The following DRC11 variants were observed in gnomAD, a reference collection of about 807,000 sequenced individuals.
DRC11 encodes the protein IQ and AAA domain-containing protein 1.
At chr2:236,339,334 A>G in the DRC11 span, among the ~76,000 whole-genome samples, 36 of 152,308 alleles carry the variant, frequency 2.4e-4, no homozygotes, top group East Asian at 6.9e-3. Flanking sequence ...TCAATATTAC[A>G]TGGTTTGCAA....
At chr2:236,436,284 A>G in the DRC11 span, among the ~76,000 whole-genome samples, 1 of 152,066 alleles carries the variant, frequency 6.6e-6, no homozygotes. Flanking sequence ...ACATGTTGCA[A>G]ATGTTTTTCC....
the DRC11 span, among the ~76,000 whole-genome samples, chr2:236,435,648 C>T: frequency 6.6e-6 from 1 of 152,152 alleles, no homozygotes; most frequent in African/African-American, 2.4e-5. Context: ...CTTACAAAAC[C>T]ATCAGATCTT....
chr2:236,500,118 T>TGATGATGATGATGATGGC, the DRC11 span, among the ~76,000 whole-genome samples: 5 of 150,474 alleles, frequency 3.3e-5, no homozygotes, highest in African/African-American at 1.3e-4. The surrounding 1 kb of genome is among the most constrained non-coding windows in gnomAD (Gnocchi z 6.3). Flanking sequence ...ATGATGATGA[T>TGATGATGATGATGATGGC]GGCGAAGGTA....
chr2:236,411,937 C>G, the DRC11 span, among the ~76,000 whole-genome samples: 1 of 149,338 alleles, frequency 6.7e-6, no homozygotes, highest in African/African-American at 2.5e-5. Flanking sequence ...GGGAGATATA[C>G]CTAATGCTAG....
chr2:236,357,273 ATATAT>A, the DRC11 span, among the ~76,000 whole-genome samples: 36 of 108,044 alleles, frequency 3.3e-4, 1 homozygote, highest in South Asian at 1.1e-3. Context: ...ATAAATATAC[ATATAT>A]TATATATTTA....
At chr2:236,357,194 TTA>T in the DRC11 span, among the ~76,000 whole-genome samples, 1 of 117,266 alleles carries the variant, frequency 8.5e-6, no homozygotes, top group Non-Finnish European at 1.6e-5. Context: ...TTCATATATA[TTA>T]TAAATTATAT....
the DRC11 span, among the ~76,000 whole-genome samples, chr2:236,389,768 T>A: frequency 6.6e-6 from 1 of 152,256 alleles, no homozygotes; most frequent in Admixed American, 6.5e-5. Flanking sequence ...AAGAGTGTGT[T>A]GTTTAATTTC....
chr2:236,474,806 T>C, the DRC11 span, among the ~76,000 whole-genome samples: 1 of 152,138 alleles, frequency 6.6e-6, no homozygotes, highest in African/African-American at 2.4e-5. Context: ...ATATTACTTT[T>C]TTTGTTTTGT....
chr2:236,346,817 A>C, the DRC11 span: 1 of 167,360 alleles, frequency 6.0e-6, no homozygotes, highest in Non-Finnish European at 1.5e-5. Context: ...GTGGGTGATC[A>C]GCAGCTTCCC....
chr2:236,459,766 T>C, the DRC11 span, among the ~76,000 whole-genome samples: 5 of 151,352 alleles, frequency 3.3e-5, no homozygotes, highest in Non-Finnish European at 7.4e-5. Flanking sequence ...GGTAGCTATC[T>C]CTATATCCTC....
chr2:236,350,371 A>T, the DRC11 span, among the ~76,000 whole-genome samples: 11 of 152,332 alleles, frequency 7.2e-5, no homozygotes, highest in South Asian at 1.9e-3. This position sits in a 1 kb window ranked among gnomAD's most constrained non-coding sequence, Gnocchi z 5.2. Flanking sequence ...CTCTGGAGTG[A>T]TGTGGTTTGG....
chr2:236,457,121 C>T, the DRC11 span, among the ~76,000 whole-genome samples: 6 of 152,204 alleles, frequency 3.9e-5, no homozygotes, highest in African/African-American at 2.4e-5. This position sits in a 1 kb window ranked among gnomAD's most constrained non-coding sequence, Gnocchi z 4.7. Flanking sequence ...GAGACCTAGA[C>T]GGCAGTTCAA....
the DRC11 span, among the ~76,000 whole-genome samples, chr2:236,426,039 T>G: frequency 6.6e-6 from 1 of 152,090 alleles, no homozygotes; most frequent in African/African-American, 2.4e-5. This position sits in a 1 kb window ranked among gnomAD's most constrained non-coding sequence, Gnocchi z 4.1. Context: ...TCTGTAGCTT[T>G]GTAATATATT....
chr2:236,378,180 T>C, the DRC11 span, among the ~76,000 whole-genome samples: 1 of 152,138 alleles, frequency 6.6e-6, no homozygotes, highest in Admixed American at 6.5e-5. Flanking sequence ...CATCAAACAT[T>C]TAAAGTAGTA....
chr2:236,484,346 T>A, the DRC11 span, among the ~76,000 whole-genome samples: 9 of 152,238 alleles, frequency 5.9e-5, no homozygotes, highest in African/African-American at 2.2e-4. Context: ...ATTTTGAACA[T>A]GCATTTTATC....
the DRC11 span, among the ~76,000 whole-genome samples, chr2:236,361,492 A>T: frequency 6.6e-6 from 1 of 152,216 alleles, no homozygotes; most frequent in South Asian, 2.1e-4. This position sits in a 1 kb window ranked among gnomAD's most constrained non-coding sequence, Gnocchi z 5.7. Flanking sequence ...TGTGGTATAT[A>T]TAACATTTAT....
chr2:236,362,263 T>C, the DRC11 span, among the ~76,000 whole-genome samples: 3 of 152,112 alleles, frequency 2.0e-5, no homozygotes, highest in Non-Finnish European at 4.4e-5. This position sits in a 1 kb window ranked among gnomAD's most constrained non-coding sequence, Gnocchi z 5.7. Flanking sequence ...AAAGGTACAG[T>C]TGACCCTTAA....
chr2:236,391,603 A>G, the DRC11 span: 4 of 223,568 alleles, frequency 1.8e-5, no homozygotes, highest in Non-Finnish European at 3.5e-5. The surrounding 1 kb of genome is among the most constrained non-coding windows in gnomAD (Gnocchi z 4.5). Flanking sequence ...TCCCTCACTC[A>G]CAAAAACCTG....
the DRC11 span, among the ~76,000 whole-genome samples, chr2:236,349,281 T>G: frequency 6.6e-6 from 1 of 152,168 alleles, no homozygotes; most frequent in Non-Finnish European, 1.5e-5. This position sits in a 1 kb window ranked among gnomAD's most constrained non-coding sequence, Gnocchi z 5.5. Flanking sequence ...TACAGCTATT[T>G]TGAGTTTAAG....
Sources: allele counts gnomAD v4.1 joint callset (sites outside exome capture counted in the v4.1 genomes callset), GRCh38; gene constraint gnomAD v4.1.1; non-coding constraint Gnocchi (gnomAD v3.1); transcripts MANE v1.5; gene names NCBI Gene and HGNC (gene_info 2026-07-23, HGNC 2026-07-21).